NALF1: variants seen among roughly 807,000 people sequenced by gnomAD.
The protein encoded by NALF1 is family with sequence similarity 155 member A.
NALF1 carries 3 observed loss-of-function variants against 48.4 expected under a neutral mutation model. The observed-to-expected ratio is 0.06, with a 90% CI of 0.03 to 0.16. The LOEUF (loss-of-function observed/expected upper bound fraction) is 0.16, where lower values mean the gene tolerates loss of function less well. NALF1 is among the 10% of genes least tolerant of loss of function. NALF1 has a pLI of 1.00. For missense variants in NALF1, 526 were observed against 571.5 expected, an observed-to-expected ratio of 0.92 and a Z score of 0.81; for synonymous variants, 262 against 245.7, an observed-to-expected ratio of 1.07 and a Z score of -0.62.
intron 1 of NALF1, among the ~76,000 whole-genome samples, chr13:107,798,826 G>C (rs928519596): frequency 2.0e-5 from 3 of 152,018 alleles, no homozygotes; most frequent in Non-Finnish European, 2.9e-5. Context: ...CTGGCAATAA[G>C]GAAAAACAAA....
At chr13:107,782,087 T>C (rs1877907076) in intron 1 of NALF1, among the ~76,000 whole-genome samples, 1 of 152,090 alleles carries the variant, frequency 6.6e-6, no homozygotes. Context: ...CTTTCCACGG[T>C]CTCCCTCTGA....
intron 1 of NALF1, among the ~76,000 whole-genome samples, chr13:107,794,710 A>G (rs1168756013): frequency 6.6e-6 from 1 of 151,404 alleles, no homozygotes; most frequent in Non-Finnish European, 1.5e-5. Context: ...TGGCAACTCT[A>G]TTACAGGATC....
rs1878653123 is a variant in NALF1, at chr13:107,166,077, C to T, written c.*4420G>A. ...ATCTTTATATCTCTCTAAAGATATGCCATAGTATATAACCCTAACGCCTCA... is the reference window on the plus strand; with the variant it reads ...ATCTTTATATCTCTCTAAAGATATGTCATAGTATATAACCCTAACGCCTCA... On this transcript the variant is annotated 3_prime_UTR_variant, in exon 3 of 3. Coordinates refer to ENST00000375915, the MANE Select transcript of NALF1 (RefSeq NM_001080396.3). The T allele has an allele frequency of 6.7e-6, 1 of 149,952 alleles. No homozygotes were observed. Among genetic ancestry groups the T allele is most frequent in the Non-Finnish European group, 1.5e-5 (1 of 67,614 alleles). The allele number at this position is 149,952 out of a possible 1,614,324, so 9.3% of individuals were successfully genotyped here.
At chr13:107,652,345 T>C (rs1465463931) in intron 1 of NALF1, among the ~76,000 whole-genome samples, 1 of 152,218 alleles carries the variant, frequency 6.6e-6, no homozygotes, top group Non-Finnish European at 1.5e-5. Context: ...TTTTAACATA[T>C]TTAAATGTTA....
chr13:107,633,719 G>GTT (rs1314195021), intron 1 of NALF1, among the ~76,000 whole-genome samples: 1 of 60,466 alleles, frequency 1.7e-5, no homozygotes, highest in Non-Finnish European at 5.1e-5. Context: ...ATATATGTGT[G>GTT]TGTATATATA....
chr13:107,841,780 G>T (rs1239788617), intron 1 of NALF1, among the ~76,000 whole-genome samples: 1 of 151,932 alleles, frequency 6.6e-6, no homozygotes, highest in Non-Finnish European at 1.5e-5. Context: ...TTATGAAAAA[G>T]AAGTCAAAAT....
chr13:107,750,615 A>G lies in NALF1; in HGVS notation c.915+115067T>C, dbSNP rs550016659. Reference sequence around the variant, plus strand: ...AAAAGAAAACAAAGAAGAGCAACAAATGAAACAAACCCACAAGTCATGATG... The same window carrying G: ...AAAAGAAAACAAAGAAGAGCAACAAGTGAAACAAACCCACAAGTCATGATG... On this transcript the variant is annotated intron_variant, in intron 1 of 2. Coordinates refer to ENST00000375915, the MANE Select transcript of NALF1 (RefSeq NM_001080396.3). 1.3e-3 allele frequency among the ~76,000 whole-genome samples: 197 copies of G among 152,216 alleles called. 2 individuals carry two copies. Among genetic ancestry groups the G allele is most frequent in the Middle Eastern group, 6.8e-3 (2 of 294 alleles).
intron 1 of NALF1, among the ~76,000 whole-genome samples, chr13:107,293,733 C>G (rs1247248148): frequency 1.3e-5 from 2 of 152,158 alleles, no homozygotes; most frequent in Non-Finnish European, 2.9e-5. Flanking sequence ...CTCAGAACCT[C>G]AGGAATAGAG....
chr13:107,174,891 C>T (rs1044102560), intron 2 of NALF1, among the ~76,000 whole-genome samples: 6 of 143,272 alleles, frequency 4.2e-5, no homozygotes, highest in African/African-American at 1.1e-4. Flanking sequence ...TTTTCTTTTT[C>T]TTTTTTTTTT....
intron 1 of NALF1, among the ~76,000 whole-genome samples, chr13:107,216,226 G>A (rs902926672): frequency 1.3e-5 from 2 of 152,212 alleles, no homozygotes; most frequent in African/African-American, 2.4e-5. Flanking sequence ...ATTAGTCTGC[G>A]ACAGCAACCG....
chr13:107,460,313 C>T (rs992644783), intron 1 of NALF1, among the ~76,000 whole-genome samples: 8 of 152,196 alleles, frequency 5.3e-5, no homozygotes, highest in Non-Finnish European at 7.3e-5. Context: ...CACAGAGGTC[C>T]TGTAGATGGG....
intron 1 of NALF1, among the ~76,000 whole-genome samples, chr13:107,298,650 T>C (rs1381782663): frequency 6.6e-6 from 1 of 151,978 alleles, no homozygotes; most frequent in African/African-American, 2.4e-5. Context: ...CAGGCTTGTC[T>C]CGAACTCCTG....
chr13:107,236,234 T>C lies in NALF1; in HGVS notation c.916-25479A>G, dbSNP rs149447965. 7.0e-4 allele frequency among the ~76,000 whole-genome samples: 106 copies of C among 152,228 alleles called. No homozygotes were observed. The East Asian group carries it at 0.016, about 23-fold the overall frequency. ...ACAACATTCTGTCTCAGACATGCTGTCTGCAAAAAGGACACAGAGGATGCT... is the reference window on the plus strand; with the variant it reads ...ACAACATTCTGTCTCAGACATGCTGCCTGCAAAAAGGACACAGAGGATGCT... On this transcript the variant is annotated intron_variant, in intron 1 of 2. Coordinates refer to ENST00000375915, the MANE Select transcript of NALF1 (RefSeq NM_001080396.3).
intron 1 of NALF1, among the ~76,000 whole-genome samples, chr13:107,285,720 T>C (rs546317008): frequency 2.0e-5 from 3 of 152,098 alleles, no homozygotes; most frequent in African/African-American, 7.2e-5. Context: ...ATAGTATATA[T>C]AGTAAGTATT....
At chr13:107,623,156 G>T (rs1182680293) in intron 1 of NALF1, among the ~76,000 whole-genome samples, 1 of 152,048 alleles carries the variant, frequency 6.6e-6, no homozygotes, top group Non-Finnish European at 1.5e-5. Context: ...TAAATAAAAA[G>T]ACACATACAC....
chr13:107,174,684 T>G (rs919299660), intron 2 of NALF1, among the ~76,000 whole-genome samples: 24 of 151,670 alleles, frequency 1.6e-4, no homozygotes, highest in Admixed American at 8.5e-4. Flanking sequence ...AATTCTGTCT[T>G]TAGGTTGATC....
chr13:107,772,005 G>C lies in NALF1; in HGVS notation c.915+93677C>G, dbSNP rs565289273. Among the ~76,000 whole-genome samples the C allele has an allele frequency of 1.6e-4, 24 of 152,076 alleles. No individual in the cohort carries two copies. The South Asian group carries it at 4.4e-3, about 28-fold the overall frequency. Reference sequence around the variant, plus strand: ...CCGCCTCGGCCTCCCAAAGTGCTGGGGTTACAGACATGAGAACAAAGGCAT... The same window carrying C: ...CCGCCTCGGCCTCCCAAAGTGCTGGCGTTACAGACATGAGAACAAAGGCAT... On this transcript the variant is annotated intron_variant, in intron 1 of 2. Coordinates refer to ENST00000375915, the MANE Select transcript of NALF1 (RefSeq NM_001080396.3).
chr13:107,574,840 C>T (rs1175030256), intron 1 of NALF1, among the ~76,000 whole-genome samples: 1 of 152,130 alleles, frequency 6.6e-6, no homozygotes, highest in Admixed American at 6.6e-5. Flanking sequence ...GGAAACTTGA[C>T]TCCATGTAAA....
At chr13:107,449,763 C>T (rs974227006) in intron 1 of NALF1, among the ~76,000 whole-genome samples, 36 of 152,238 alleles carry the variant, frequency 2.4e-4, no homozygotes, top group African/African-American at 8.7e-4. Context: ...GTGTTGGAGG[C>T]TATTCTCGGT....
Sources: allele counts gnomAD v4.1 joint callset (sites outside exome capture counted in the v4.1 genomes callset), GRCh38; gene constraint gnomAD v4.1.1; transcripts MANE v1.5; gene names NCBI Gene and HGNC (gene_info 2026-07-23, HGNC 2026-07-21).